Variants in AK9 observed in about 807,000 individuals in gnomAD.
AK9 encodes adenylate kinase domain containing 1.
AK9 carries 191 observed loss-of-function variants against 239.6 expected under a neutral mutation model. That is an observed-to-expected ratio of 0.80 (90% CI 0.71 to 0.90). The LOEUF is 0.90. Ranked by LOEUF, AK9 falls within the 40% of genes least tolerant of loss-of-function variation. The pLI, the probability that AK9 is intolerant of heterozygous loss-of-function variation, is 0.00. For synonymous variants in AK9, 689 were observed against 721.0 expected, an observed-to-expected ratio of 0.96 and a Z score of 0.71; for missense variants, 1,995 against 2,214.7, an observed-to-expected ratio of 0.90 and a Z score of 1.99.
In AK9 at chr6:109,583,558, GA is replaced by G. The variant is rs1789120429; in HGVS notation, c.2114+1564del. On this transcript the variant is annotated intron_variant, in intron 19 of 40. Transcript: ENST00000424296. ...AGTATAAAGGAAAAAAGTTTGTTTT[GA>G]AAAACTCATGTTGAATTTTAAAAAT... Among the ~76,000 whole-genome samples, 3 of 151,836 alleles carry G rather than the reference GA, an allele frequency of 2.0e-5. No homozygotes were observed. In the South Asian group the frequency reaches 6.2e-4, roughly 31 times the overall value.
intron 35 of AK9, 29 bp from the exon 36 acceptor site, chr6:109,499,269 G>A: frequency 7.2e-7 from 1 of 1,384,892 alleles, no homozygotes; most frequent in Non-Finnish European, 9.5e-7. Context: ...CTATTATCAT[G>A]TATATATTTT....
chr6:109,518,795 T>A (rs1364559023), intron 29 of AK9, among the ~76,000 whole-genome samples: 1 of 152,176 alleles, frequency 6.6e-6, no homozygotes, highest in Non-Finnish European at 1.5e-5. Context: ...ATCTCAATTT[T>A]TTTTCAATGA....
chr6:109,591,759 C>T (rs1790274454), intron 17 of AK9, among the ~76,000 whole-genome samples: 1 of 151,866 alleles, frequency 6.6e-6, no homozygotes, highest in African/African-American at 2.4e-5. Context: ...CCTTATTGTT[C>T]GCTTGCCTGG....
chr6:109,633,909 C>T (rs557136178), intron 10 of AK9, among the ~76,000 whole-genome samples: 3 of 152,268 alleles, frequency 2.0e-5, no homozygotes, highest in Non-Finnish European at 4.4e-5. Context: ...TAGAAAACTG[C>T]TAATTCTCAG....
chr6:109,637,778 T>C (rs1796906723), intron 10 of AK9, among the ~76,000 whole-genome samples: 1 of 152,230 alleles, frequency 6.6e-6, no homozygotes, highest in South Asian at 2.1e-4. Context: ...TCTAAAGTCC[T>C]TTAAAAACAC....
rs1479497486 is a variant in AK9, at chr6:109,534,547, T to C, written c.3351-1077A>G. Among the ~76,000 whole-genome samples, 3 of 150,748 alleles carry C rather than the reference T, an allele frequency of 2.0e-5. No individual in the cohort carries two copies. In the East Asian group the frequency reaches 5.8e-4, roughly 29 times the overall value. On this transcript the variant is annotated intron_variant, in intron 27 of 40. Coordinates refer to ENST00000424296, the MANE Select transcript of AK9 (RefSeq NM_001145128.3). ...AAAGTTGTTAATTCAAAAATGTGAA[T>C]TTTCCTTTCTTAGTAAGGAAGCAAA... is the stretch of plus-strand genomic sequence containing the variant.
At chr6:109,503,442 C>T (rs1343275836) in intron 35 of AK9, among the ~76,000 whole-genome samples, 6 of 152,100 alleles carry the variant, frequency 3.9e-5, no homozygotes, top group African/African-American at 1.4e-4. Flanking sequence ...TCTTCTGGAA[C>T]GTGGCAGGAG....
intron 27 of AK9, among the ~76,000 whole-genome samples, chr6:109,537,186 C>A (rs1782129388): frequency 6.6e-6 from 1 of 152,110 alleles, no homozygotes; most frequent in South Asian, 2.1e-4. Context: ...TTGGTACCAG[C>A]TCCTCCTTCT....
intron 12 of AK9, among the ~76,000 whole-genome samples, chr6:109,619,839 C>A (rs1039084698): frequency 6.6e-6 from 1 of 152,058 alleles, no homozygotes; most frequent in African/African-American, 2.4e-5. Flanking sequence ...TCATTCCTGG[C>A]CCCTGGCAAC....
intron 16 of AK9, 121 bp from the exon 17 acceptor site, chr6:109,610,634 C>T (rs1793464090): frequency 1.8e-6 from 2 of 1,093,520 alleles, no homozygotes; most frequent in South Asian, 3.3e-5. Flanking sequence ...GTCACCGCAG[C>T]ACATGTTGGA....
At chr6:109,645,568 G>T in intron 8 of AK9, among the ~76,000 whole-genome samples, 1 of 147,294 alleles carries the variant, frequency 6.8e-6, no homozygotes, top group East Asian at 2.1e-4. Flanking sequence ...CTCAAACTGG[G>T]TGGAGCCCAC....
At chr6:109,637,374 C>CTT (rs202013287) in intron 10 of AK9, among the ~76,000 whole-genome samples, 1 of 150,268 alleles carries the variant, frequency 6.7e-6, no homozygotes, top group Non-Finnish European at 1.5e-5. Context: ...ATGTGTTTTC[C>CTT]TTTTTTTTTG....
intron 15 of AK9, among the ~76,000 whole-genome samples, chr6:109,613,937 T>A (rs1275228262): frequency 2.0e-5 from 3 of 152,136 alleles, no homozygotes; most frequent in South Asian, 2.1e-4. Flanking sequence ...ATTGGAAACA[T>A]TCAAACATTT....
At position 109,493,316 on chromosome 6, in the gene AK9, C is replaced by T. The variant is rs1776707675; in HGVS notation, c.*53G>A. 6.4e-7 allele frequency: 1 copy of T among 1,557,486 alleles called. No homozygotes were observed. Among genetic ancestry groups the T allele is most frequent in the Non-Finnish European group, 8.8e-7 (1 of 1,136,214 alleles). ...TTTCAATCTACTTCTCTCAGTTTCC[C>T]TCTATCACTTTCAGATAACTCTTGA... is the stretch of plus-strand genomic sequence containing the variant. On this transcript the variant is annotated 3_prime_UTR_variant, in exon 41 of 41. Coordinates refer to ENST00000424296, the MANE Select transcript of AK9 (RefSeq NM_001145128.3).
chr6:109,650,459 A>G (rs1043801167), intron 8 of AK9, among the ~76,000 whole-genome samples: 4 of 152,138 alleles, frequency 2.6e-5, no homozygotes, highest in Admixed American at 2.0e-4. Flanking sequence ...ACATTTCTGC[A>G]GCCAACAGAC....
intron 20 of AK9, among the ~76,000 whole-genome samples, chr6:109,576,980 G>A (rs973817266): frequency 1.3e-5 from 2 of 151,822 alleles, no homozygotes; most frequent in Non-Finnish European, 2.9e-5. Flanking sequence ...ACAGGCACCC[G>A]CCACCACGCC....
Position 109,609,169 on chromosome 6 carries a change from C to G in AK9, c.1842+1196G>C, listed in dbSNP as rs191298655. On this transcript the variant is annotated intron_variant, in intron 17 of 40. Transcript: ENST00000424296. ...GTAGGATTCCTTGTAGATTTATATG[C>G]TCCAGAATAAACTCTGAAGAGAATG... is the stretch of plus-strand genomic sequence containing the variant. Among the ~76,000 whole-genome samples, 112 of 152,220 alleles carry G rather than the reference C, an allele frequency of 7.4e-4. 2 individuals carry two copies. The highest frequency in any genetic ancestry group is 5.9e-5 in the Non-Finnish European group (4 of 68,012).
chr6:109,665,842 G>T (rs1172232836), intron 5 of AK9, among the ~76,000 whole-genome samples: 1 of 152,158 alleles, frequency 6.6e-6, no homozygotes, highest in African/African-American at 2.4e-5. Flanking sequence ...TCTGTGTATC[G>T]TAAGTGGATC....
At chr6:109,599,214 C>T (rs1791545071) in intron 17 of AK9, among the ~76,000 whole-genome samples, 1 of 152,054 alleles carries the variant, frequency 6.6e-6, no homozygotes, top group African/African-American at 2.4e-5. Flanking sequence ...TTAGGTCTAA[C>T]ATTTAAGTCT....
Sources: gnomAD v4.1 joint callset for allele counts (sites outside exome capture counted in the v4.1 genomes callset) on GRCh38, gnomAD v4.1.1 for gene constraint, MANE v1.5 for transcripts, NCBI Gene and HGNC (gene_info 2026-07-23, HGNC 2026-07-21) for gene names.